The following RBM4 variants were observed in gnomAD, a reference collection of about 807,000 sequenced individuals.
RBM4 encodes the protein RNA binding motif protein 4, also known as RNA-binding protein 4.
RBM4 carries 7 observed loss-of-function variants against 29.5 expected under a neutral mutation model. That is an observed-to-expected ratio of 0.24 (90% CI 0.14 to 0.45). The LOEUF (loss-of-function observed/expected upper bound fraction) is 0.45, where lower values mean the gene tolerates loss of function less well. RBM4 is among the 20% of genes least tolerant of loss of function. The pLI, the probability that RBM4 is intolerant of heterozygous loss-of-function variation, is 1.00. For missense variants in RBM4, 387 were observed against 502.3 expected (o/e 0.77, Z 2.19); for synonymous variants, 220 against 205.4 (o/e 1.07, Z -0.61).
At chr11:66,666,441 G>A (rs1330962121) in exon 3 of RBM4, 6 of 987,732 alleles carry the variant, frequency 6.1e-6, no homozygotes, top group Non-Finnish European at 6.0e-6. Context: ...TTAACATCAG[G>A]CTCCTGGGAC....
At chr11:66,651,881 C>T (rs1184269356) in intron 2 of RBM4, among the ~76,000 whole-genome samples, 1 of 151,784 alleles carries the variant, frequency 6.6e-6, no homozygotes, top group Admixed American at 6.6e-5. Context: ...GATGAGGGCT[C>T]TGTTCTATGG....
chr11:66,639,471 C>T (rs1938343299), intron 1 of RBM4: 1 of 589,186 alleles, frequency 1.7e-6, no homozygotes, highest in Non-Finnish European at 2.9e-6. Context: ...AACCCTTTGT[C>T]TACTAAGGAC....
intron 2 of RBM4, chr11:66,665,322 G>A: frequency 3.8e-6 from 2 of 530,658 alleles, no homozygotes; most frequent in Non-Finnish European, 6.7e-6. Context: ...ACAGGAAAAA[G>A]GGGATGCCAG....
intron 2 of RBM4, chr11:66,652,310 G>T (rs1451811856): frequency 6.6e-6 from 1 of 152,070 alleles, no homozygotes; most frequent in South Asian, 2.1e-4. Context: ...AACCAGGATG[G>T]TCTCGATCTC....
In RBM4 at chr11:66,643,227, T is replaced by C. The variant is rs978377812; in HGVS notation, c.413-223T>C. Among the ~76,000 whole-genome samples the C allele has an allele frequency of 6.6e-6, 1 of 152,218 alleles. No homozygotes were observed. The highest frequency in any genetic ancestry group is 1.5e-5 in the Non-Finnish European group (1 of 68,042). On this transcript the variant is annotated intron_variant, in intron 2 of 3. Transcript: ENST00000310092. The surrounding 1 kb of genome is among the most constrained non-coding windows in gnomAD (Gnocchi z 6.1). ...TTCTTAAGCATTTAAACTGTTGTTA[T>C]AGCTGAAATATTTCTTCATCTAAGT...
chr11:66,664,176 T>G (rs914037754), intron 2 of RBM4, among the ~76,000 whole-genome samples: 29 of 148,096 alleles, frequency 2.0e-4, no homozygotes, highest in African/African-American at 6.5e-4. Context: ...CAGCTGTTTT[T>G]TTTTTTTTTT....
At chr11:66,647,657 G>A (rs546553126), downstream of RBM4, among the ~76,000 whole-genome samples, 1 of 152,232 alleles carries the variant, frequency 6.6e-6, no homozygotes, top group East Asian at 1.9e-4. Flanking sequence ...GATGGGTAGG[G>A]TTGGCAAATT....
At chr11:66,659,733 G>C (rs1590873837) in intron 2 of RBM4, among the ~76,000 whole-genome samples, 2 of 152,032 alleles carry the variant, frequency 1.3e-5, no homozygotes, top group East Asian at 3.9e-4. Context: ...ACCATTAGCA[G>C]CTCTTGATCA....
At chr11:66,653,362 A>ATTTT (rs71045956) in intron 2 of RBM4, among the ~76,000 whole-genome samples, 2 of 135,884 alleles carry the variant, frequency 1.5e-5, no homozygotes, top group African/African-American at 5.5e-5. Context: ...CTACTTAATG[A>ATTTT]TTTTTTTTTT....
Position 66,644,832 on chromosome 11 carries a change from T to A in RBM4, c.*8+692T>A, listed in dbSNP as rs563231237. The A allele has an allele frequency of 1.3e-5, 5 of 385,320 alleles. No homozygotes were observed. In the East Asian group the frequency reaches 8.1e-4, roughly 63 times the overall value. 23.9% of individuals were successfully genotyped at this position (385,320 alleles called of 1,614,324 possible). On this transcript the variant is annotated intron_variant, in intron 3 of 3. Transcript: ENST00000310092. ...CATAGATGCTAACACTCACCTTCTC[T>A]GCCCAGCTCAGATTTATTCCCTGAA...
At chr11:66,666,036 C>G in exon 3 of RBM4, 1 of 1,317,374 alleles carries the variant, frequency 7.6e-7, no homozygotes, top group Non-Finnish European at 1.0e-6. Flanking sequence ...AACAAGCTTT[C>G]AGAAATGATG....
chr11:66,663,241 C>T (rs1454225224), intron 2 of RBM4, among the ~76,000 whole-genome samples: 1 of 152,176 alleles, frequency 6.6e-6, no homozygotes, highest in East Asian at 1.9e-4. Flanking sequence ...CACTGCTAAT[C>T]ATTAATATGT....
chr11:66,651,160 A>G (rs1472348189), downstream of RBM4, among the ~76,000 whole-genome samples: 1 of 152,102 alleles, frequency 6.6e-6, no homozygotes, highest in Non-Finnish European at 1.5e-5. Flanking sequence ...ATCATTGATC[A>G]TTGGCACTAG....
downstream of RBM4, among the ~76,000 whole-genome samples, chr11:66,650,527 C>T (rs1046830267): frequency 1.3e-5 from 2 of 150,806 alleles, no homozygotes; most frequent in South Asian, 2.1e-4. Flanking sequence ...GCTGAGATTG[C>T]GCCATTGAAC....
chr11:66,660,904 C>G (rs1318979211), intron 2 of RBM4, among the ~76,000 whole-genome samples: 2 of 152,168 alleles, frequency 1.3e-5, no homozygotes, highest in Non-Finnish European at 2.9e-5. Flanking sequence ...ATCCACCCGA[C>G]TCGGCCTCCC....
chr11:66,659,058 AGACT>A (rs903248800), intron 2 of RBM4, among the ~76,000 whole-genome samples: 1 of 151,242 alleles, frequency 6.6e-6, no homozygotes, highest in Non-Finnish European at 1.5e-5. Context: ...CCTAACCACC[AGACT>A]ATCTGGGGAA....
rs1329669351 is a variant in RBM4, at chr11:66,646,185, T to C, written c.*167T>C. 22 of 1,484,754 alleles carry C rather than the reference T, an allele frequency of 1.5e-5. No individual in the cohort carries two copies. Among genetic ancestry groups the C allele is most frequent in the Non-Finnish European group, 2.0e-5 (22 of 1,118,822 alleles). 92.0% of individuals were successfully genotyped at this position (1,484,754 alleles called of 1,614,324 possible). ...GCTAAGTTCAGACCTTCTCTTCCTT[T>C]CCTTTCCTTTCCTCTCCTGCCCATT... On this transcript the variant is annotated 3_prime_UTR_variant, in exon 4 of 4. Coordinates refer to ENST00000310092, the MANE Select transcript of RBM4 (RefSeq NM_002896.4).
At chr11:66,665,356 C>G (rs1939187027) in intron 2 of RBM4, 1 of 586,476 alleles carries the variant, frequency 1.7e-6, no homozygotes, top group African/African-American at 1.9e-5. Flanking sequence ...TAGGGCTGCT[C>G]AGAGGCTGAG....
downstream of RBM4, among the ~76,000 whole-genome samples, chr11:66,648,851 G>A (rs1180531767): frequency 6.6e-6 from 1 of 150,988 alleles, no homozygotes; most frequent in East Asian, 1.9e-4. Flanking sequence ...GATTCTATTA[G>A]AGCAAGTCAT....
Sources: gnomAD v4.1 joint callset for allele counts (sites outside exome capture counted in the v4.1 genomes callset) on GRCh38, gnomAD v4.1.1 for gene constraint, Gnocchi (gnomAD v3.1) non-coding constraint, MANE v1.5 for transcripts, NCBI Gene and HGNC (gene_info 2026-07-23, HGNC 2026-07-21) for gene names.